Variants in ANKS1B observed in about 807,000 individuals in gnomAD.
ANKS1B encodes ankyrin repeat and sterile alpha motif domain containing 1B.
Under a neutral mutation model 148.3 loss-of-function variants are expected in ANKS1B, and 36 were observed. The ratio of observed to expected loss-of-function variants is 0.24; its 90% CI spans 0.19 to 0.32. The LOEUF is 0.32. Among genes scored for constraint, ANKS1B ranks in the 10% least tolerant of loss-of-function variants. The probability of loss-of-function intolerance (pLI) is 1.00; values close to 1 mark genes in which losing one functional copy is unlikely to be tolerated. For missense variants in ANKS1B, 1,157 were observed against 1,542.6 expected (o/e 0.75, Z 4.19); for synonymous variants, 542 against 560.8 (o/e 0.97, Z 0.47).
chr12:99,884,384 A>G (rs1002565295), intron 1 of ANKS1B, among the ~76,000 whole-genome samples: 6 of 152,248 alleles, frequency 3.9e-5, no homozygotes, highest in African/African-American at 1.4e-4. Context: ...CTTATGACCC[A>G]GTAATTCCAC....
intron 14 of ANKS1B, among the ~76,000 whole-genome samples, chr12:99,221,713 C>G (rs192570642): frequency 2.2e-4 from 34 of 152,174 alleles, no homozygotes; most frequent in African/African-American, 7.5e-4. Flanking sequence ...CAAACTTTTC[C>G]TTATATTGCT....
At chr12:99,220,709 A>G (rs1000120573) in intron 14 of ANKS1B, among the ~76,000 whole-genome samples, 4 of 152,024 alleles carry the variant, frequency 2.6e-5, no homozygotes, top group Non-Finnish European at 5.9e-5. Flanking sequence ...GGCCTCCCAA[A>G]GTGCTGGGAT....
intron 9 of ANKS1B, among the ~76,000 whole-genome samples, chr12:99,560,143 T>A (rs932087224): frequency 5.9e-5 from 9 of 152,220 alleles, no homozygotes; most frequent in African/African-American, 2.2e-4. Context: ...AGTGGTTTCA[T>A]GTTTAATTCA....
chr12:99,852,706 G>A lies in ANKS1B; in HGVS notation c.135-27317C>T, dbSNP rs115966521. ...CATAGGAACATATCAGGAAAGCCAA[G>A]AGAATGCACAGACCCTTTGAAGAAG... On this transcript the variant is annotated intron_variant, in intron 1 of 26. Coordinates refer to ENST00000683438, the MANE Select transcript of ANKS1B (RefSeq NM_001352186.2). Among the ~76,000 whole-genome samples, 1,173 of 152,326 alleles carry A rather than the reference G, an allele frequency of 7.7e-3. 11 individuals carry two copies. The highest frequency in any genetic ancestry group is 0.027 in the African/African-American group (1,110 of 41,568).
intron 12 of ANKS1B, among the ~76,000 whole-genome samples, chr12:99,359,691 T>A (rs2092327289): frequency 6.6e-6 from 1 of 152,144 alleles, no homozygotes; most frequent in African/African-American, 2.4e-5. Flanking sequence ...AAATATGATG[T>A]CATTAACCCA....
chr12:99,228,933 C>T (rs995875517), intron 14 of ANKS1B, among the ~76,000 whole-genome samples: 8 of 151,810 alleles, frequency 5.3e-5, no homozygotes, highest in African/African-American at 1.9e-4. Flanking sequence ...CATATACGTC[C>T]ATATAAATAT....
intron 16 of ANKS1B, among the ~76,000 whole-genome samples, chr12:99,075,330 A>G (rs2372636): frequency 0.58 from 87,674 of 151,950 alleles, 25,933 homozygotes; most frequent in East Asian, 0.75. Flanking sequence ...AAAGAACTCC[A>G]GGATGGAAGG....
chr12:99,755,396 G>A (rs187052230), intron 8 of ANKS1B, among the ~76,000 whole-genome samples: 5 of 151,772 alleles, frequency 3.3e-5, no homozygotes, highest in Admixed American at 6.6e-5. Flanking sequence ...AAAGATTCAC[G>A]ACTAAATTCT....
chr12:99,914,280 T>A (rs1384967657), intron 1 of ANKS1B, among the ~76,000 whole-genome samples: 2 of 152,190 alleles, frequency 1.3e-5, no homozygotes, highest in Non-Finnish European at 2.9e-5. Flanking sequence ...TTTCTAGTGA[T>A]AAGTGAGTGG....
chr12:98,781,401 G>A, intron 23 of ANKS1B, 198 bp from the exon 24 acceptor site: 1 of 654,256 alleles, frequency 1.5e-6, no homozygotes. Context: ...CTTGGGCTTA[G>A]CTATACTTCG....
chr12:98,840,586 G>C (rs1416397122), intron 17 of ANKS1B, among the ~76,000 whole-genome samples: 1 of 152,176 alleles, frequency 6.6e-6, no homozygotes, highest in East Asian at 1.9e-4. Flanking sequence ...TGCATGGAAA[G>C]AGAGACCTTA....
intron 12 of ANKS1B, among the ~76,000 whole-genome samples, chr12:99,261,001 TAA>T (rs1437791067): frequency 6.6e-6 from 1 of 152,154 alleles, no homozygotes; most frequent in Non-Finnish European, 1.5e-5. Context: ...AGGAAAAAAC[TAA>T]ATGCAATCAA....
chr12:99,561,073 C>T (rs2097331494), intron 9 of ANKS1B, among the ~76,000 whole-genome samples: 1 of 152,008 alleles, frequency 6.6e-6, no homozygotes, highest in African/African-American at 2.4e-5. Flanking sequence ...GTCTCAATCT[C>T]CTGACCTTGT....
chr12:99,782,151 C>T, intron 4 of ANKS1B, 54 bp from the exon 5 acceptor site: 2 of 1,397,780 alleles, frequency 1.4e-6, no homozygotes, highest in Non-Finnish European at 2.0e-6. Flanking sequence ...GGAATGCTTA[C>T]AGGTTGAAAT....
intron 17 of ANKS1B, among the ~76,000 whole-genome samples, chr12:98,910,652 A>G (rs1450391624): frequency 6.6e-6 from 1 of 152,264 alleles, no homozygotes; most frequent in Non-Finnish European, 1.5e-5. Context: ...AAACAATCCC[A>G]TGAATTTTAG....
intron 8 of ANKS1B, among the ~76,000 whole-genome samples, chr12:99,760,482 C>CA (rs1382714814): frequency 6.6e-6 from 1 of 151,564 alleles, no homozygotes; most frequent in East Asian, 1.9e-4. Flanking sequence ...AGGCAGATAT[C>CA]AAAAAAATCT....
At chr12:98,739,073 A>G (rs1241540645), downstream of ANKS1B, among the ~76,000 whole-genome samples, 2 of 152,184 alleles carry the variant, frequency 1.3e-5, no homozygotes, top group South Asian at 2.1e-4. Flanking sequence ...ATAGGTGTGC[A>G]AACAGATGCA....
intron 17 of ANKS1B, among the ~76,000 whole-genome samples, chr12:99,030,646 T>C (rs1374571865): frequency 6.6e-6 from 1 of 152,330 alleles, no homozygotes; most frequent in Non-Finnish European, 1.5e-5. Flanking sequence ...ACCCTATGTA[T>C]ACCCTGAATG....
intron 17 of ANKS1B, among the ~76,000 whole-genome samples, chr12:98,989,779 G>T (rs144777028): frequency 6.6e-6 from 1 of 152,010 alleles, no homozygotes; most frequent in South Asian, 2.1e-4. Context: ...TGTCATTCAG[G>T]CTGCTCGGGA....
Sources: allele counts gnomAD v4.1 joint callset (sites outside exome capture counted in the v4.1 genomes callset), GRCh38; gene constraint gnomAD v4.1.1; transcripts MANE v1.5; gene names NCBI Gene and HGNC (gene_info 2026-07-23, HGNC 2026-07-21).